MAD2L1BP: variants seen among roughly 807,000 people sequenced by gnomAD.
MAD2L1BP encodes the protein MAD2L1 binding protein, also known as MAD2L1-binding protein.
A neutral mutation model predicts 28.4 loss-of-function variants in MAD2L1BP; 22 were observed. The ratio of observed to expected loss-of-function variants is 0.77; its 90% CI spans 0.55 to 1.10. MAD2L1BP has a LOEUF of 1.10. Ranked by LOEUF, MAD2L1BP falls within the 50% of genes least tolerant of loss-of-function variation. The pLI is 0.00. For missense variants in MAD2L1BP, 325 were observed against 350.5 expected (o/e 0.93, Z 0.58); for synonymous variants, 146 against 133.7 (o/e 1.09, Z -0.63).
At chr6:43,639,402 G>T (rs756205609) in intron 2 of MAD2L1BP, among the ~76,000 whole-genome samples, 4 of 152,214 alleles carry the variant, frequency 2.6e-5, no homozygotes, top group Admixed American at 1.3e-4. Flanking sequence ...GCCTCTCAAA[G>T]TGCTGGGATT....
chr6:43,633,286 C>T (rs920636812), upstream of MAD2L1BP: 19 of 385,734 alleles, frequency 4.9e-5, 1 homozygote, highest in African/African-American at 3.7e-4. Context: ...GATTCTCCTG[C>T]CTCAGCCTCC....
upstream of MAD2L1BP, chr6:43,635,831 G>C: frequency 6.9e-7 from 1 of 1,441,142 alleles, no homozygotes; most frequent in East Asian, 3.0e-5. Flanking sequence ...GATGCCCCGC[G>C]AGACCTTTAT....
chr6:43,633,106 C>T (rs1770019422), upstream of MAD2L1BP: 3 of 391,442 alleles, frequency 7.7e-6, no homozygotes, highest in Non-Finnish European at 1.5e-5. Context: ...CCTCGGCCTC[C>T]CAAAATGCTG....
chr6:43,638,985 AT>A (rs1173958453), intron 2 of MAD2L1BP, among the ~76,000 whole-genome samples: 1 of 151,908 alleles, frequency 6.6e-6, no homozygotes, highest in Non-Finnish European at 1.5e-5. Context: ...ATTTTCATTC[AT>A]TTCCCCTATA....
At chr6:43,635,394 C>T (rs1041754308), upstream of MAD2L1BP, among the ~76,000 whole-genome samples, 2 of 152,222 alleles carry the variant, frequency 1.3e-5, no homozygotes, top group Admixed American at 6.5e-5. Flanking sequence ...CTTCCCAGCC[C>T]CTACCCTCTG....
chr6:43,629,842 T>C, intron 1 of MAD2L1BP: 4 of 1,498,902 alleles, frequency 2.7e-6, no homozygotes, highest in Non-Finnish European at 3.6e-6. Context: ...GTTGGGATGA[T>C]TATGCTACCT....
chr6:43,630,365 T>G (rs186381840), intron 1 of MAD2L1BP, among the ~76,000 whole-genome samples: 1 of 152,218 alleles, frequency 6.6e-6, no homozygotes, highest in Non-Finnish European at 1.5e-5. Context: ...GCCGCATGGC[T>G]GTCTCATGAC....
At position 43,636,381 on chromosome 6, in the gene MAD2L1BP, A is replaced by C; in HGVS notation, c.47A>C (p.Asp16Ala). The C allele has an allele frequency of 6.2e-7, 1 of 1,613,860 alleles. No individual in the cohort carries two copies. The highest frequency in any genetic ancestry group is 1.3e-5 in the African/African-American group (1 of 74,934). ...TCTTGTCCCTCTTTTCATCTACCAGATTTGGAGTGGTATGAGAAGTCCGAA... is the reference window on the plus strand; with the variant it reads ...TCTTGTCCCTCTTTTCATCTACCAGCTTTGGAGTGGTATGAGAAGTCCGAA... Reference protein sequence around the residue: ...AEVLSSAAVPDLEWYEKSEET... With the variant: ...AEVLSSAAVPALEWYEKSEET... The change falls in exon 2 of 3, where the codon GAT becomes GCT. Residue 16 changes from aspartate (D) to alanine (A), a missense_variant and splice_region_variant. Asp to Ala is a moderately radical substitution (Grantham distance 126). Transcript: ENST00000372171.
chr6:43,636,418 C>T lies in MAD2L1BP; in HGVS notation c.84C>T (p.Ala28=), dbSNP rs1399312793. 2 of 1,614,048 alleles carry T rather than the reference C, an allele frequency of 1.2e-6. No homozygotes were observed. The highest frequency in any genetic ancestry group is 1.1e-5 in the South Asian group (1 of 91,092). The change falls in exon 2 of 3, where the codon GCC becomes GCT. Residue 28 remains alanine, a synonymous_variant. Coordinates refer to ENST00000372171, the MANE Select transcript of MAD2L1BP (RefSeq NM_014628.3). ...EWYEKSEETH[A]SQIELLETSS... Reference sequence around the variant, plus strand: ...ATGAGAAGTCCGAAGAAACTCACGCCTCCCAGATAGAACTACTTGAGACAA... The same window carrying T: ...ATGAGAAGTCCGAAGAAACTCACGCTTCCCAGATAGAACTACTTGAGACAA...
Position 43,638,888 on chromosome 6 carries a change from A to G in MAD2L1BP, c.313-1133A>G, listed in dbSNP as rs77506679. ...CTTCACTATAAGGAGATTAGGTGGGAACCTGGTGATCTCTTTGTGGGGATT... is the reference window on the plus strand; with the variant it reads ...CTTCACTATAAGGAGATTAGGTGGGGACCTGGTGATCTCTTTGTGGGGATT... On this transcript the variant is annotated intron_variant, in intron 2 of 2. Coordinates refer to ENST00000372171, the MANE Select transcript of MAD2L1BP (RefSeq NM_014628.3). Among the ~76,000 whole-genome samples, 1,072 of 151,800 alleles carry G rather than the reference A, an allele frequency of 7.1e-3. 8 individuals are homozygous for G. The highest frequency in any genetic ancestry group is 0.025 in the African/African-American group (1,022 of 41,410).
At position 43,636,701 on chromosome 6, in the gene MAD2L1BP, G is replaced by T. The variant is rs182497983; in HGVS notation, c.312+55G>T. 6 of 1,580,382 alleles carry T rather than the reference G, an allele frequency of 3.8e-6. No individual in the cohort carries two copies. In the East Asian group the frequency reaches 1.4e-4, roughly 36 times the overall value. ...GGGAAGACTTTGTGGCTCTTAGATGGGAGGCAGGTAGAAAGGGGGTCTAAG... is the reference window on the plus strand; with the variant it reads ...GGGAAGACTTTGTGGCTCTTAGATGTGAGGCAGGTAGAAAGGGGGTCTAAG... On this transcript the variant is annotated intron_variant, in intron 2 of 2. Coordinates refer to ENST00000372171, the MANE Select transcript of MAD2L1BP (RefSeq NM_014628.3).
At chr6:43,634,170 C>T (rs1770067598), upstream of MAD2L1BP, among the ~76,000 whole-genome samples, 1 of 147,270 alleles carries the variant, frequency 6.8e-6, no homozygotes, top group Admixed American at 6.8e-5. Flanking sequence ...CAAACCTGGT[C>T]TTATTTCCTA....
At chr6:43,638,095 G>C (rs964493107) in intron 2 of MAD2L1BP, among the ~76,000 whole-genome samples, 3 of 150,642 alleles carry the variant, frequency 2.0e-5, no homozygotes, top group Non-Finnish European at 4.4e-5. Context: ...ACAGGGTATC[G>C]CAATGTTGGC....
intron 2 of MAD2L1BP, among the ~76,000 whole-genome samples, chr6:43,638,145 G>A (rs1362807036): frequency 6.6e-6 from 1 of 152,010 alleles, no homozygotes; most frequent in Admixed American, 6.6e-5. Context: ...TGATCCGCCC[G>A]CCTTGGCCTC....
At position 43,629,718 on chromosome 6, in the gene MAD2L1BP, C is replaced by CT. The variant is rs765182792; in HGVS notation, c.-31dup. ...TGAGGCTACTGGTGCCGCCAGCCTGCTGGCTCCGCCTCTGCCTCAGTTTCT... is the reference window on the plus strand; with the variant it reads ...TGAGGCTACTGGTGCCGCCAGCCTGCTTGGCTCCGCCTCTGCCTCAGTTTCT... On this transcript the variant is annotated 5_prime_UTR_variant, in exon 1 of 4. Coordinates refer to the MAD2L1BP transcript ENST00000451025. 351 of 1,550,732 alleles carry CT rather than the reference C, an allele frequency of 2.3e-4. 2 individuals are homozygous for CT. Among genetic ancestry groups the CT allele is most frequent in the Non-Finnish European group, 2.9e-4 (334 of 1,146,980 alleles).
upstream of MAD2L1BP, among the ~76,000 whole-genome samples, chr6:43,634,242 C>A (rs1770079153): frequency 2.2e-5 from 2 of 89,182 alleles, no homozygotes; most frequent in East Asian, 3.1e-4. Context: ...TTTTTTGAGT[C>A]ATGGTCTTGC....
chr6:43,632,934 A>G (rs1047016172), upstream of MAD2L1BP, among the ~76,000 whole-genome samples: 6 of 150,794 alleles, frequency 4.0e-5, no homozygotes, highest in Admixed American at 6.7e-5. Flanking sequence ...AGGCAGGAGA[A>G]TTGCTTGAAC....
chr6:43,639,914 A>C, intron 2 of MAD2L1BP, 107 bp from the exon 3 acceptor site: 1 of 946,072 alleles, frequency 1.1e-6, no homozygotes, highest in Non-Finnish European at 1.5e-6. Context: ...ATTGAGCTAG[A>C]AATTAAGTCC....
At chr6:43,636,947 A>G (rs112662040) in intron 2 of MAD2L1BP, 7,857 of 259,562 alleles carry the variant, frequency 0.03, 600 homozygotes, top group African/African-American at 0.16. Context: ...GCGAGATCTC[A>G]GCTCACTGCA....
Sources: gnomAD v4.1 joint callset for allele counts (sites outside exome capture counted in the v4.1 genomes callset) on GRCh38, gnomAD v4.1.1 for gene constraint, MANE v1.5 for transcripts, NCBI Gene and HGNC (gene_info 2026-07-23, HGNC 2026-07-21) for gene names.